Variants in TRAPPC9 observed in about 807,000 individuals in gnomAD.
TRAPPC9 encodes trafficking protein particle complex subunit 9.
In TRAPPC9, 83 loss-of-function variants were observed where a neutral mutation model predicts 124.0. The ratio of observed to expected loss-of-function variants is 0.67; its 90% CI spans 0.56 to 0.80. TRAPPC9 has a LOEUF of 0.80. TRAPPC9 is among the 30% of genes least tolerant of loss of function. The pLI is 0.00. For synonymous variants in TRAPPC9, 638 were observed against 617.5 expected (o/e 1.03, Z -0.49); for missense variants, 1,302 against 1,508.3 (o/e 0.86, Z 2.27).
intron 9 of TRAPPC9, among the ~76,000 whole-genome samples, chr8:140,333,002 A>T (rs1324785269): frequency 6.6e-6 from 1 of 152,104 alleles, no homozygotes; most frequent in African/African-American, 2.4e-5. Flanking sequence ...GGCACATGCC[A>T]GTAGTCCCAG....
At chr8:139,738,666 G>C (rs970830753) in intron 21 of TRAPPC9, among the ~76,000 whole-genome samples, 2 of 152,190 alleles carry the variant, frequency 1.3e-5, no homozygotes, top group Non-Finnish European at 2.9e-5. Flanking sequence ...GGGGTTATGT[G>C]CTGTTTAAGC....
chr8:139,791,015 C>T (rs577449084), intron 21 of TRAPPC9, among the ~76,000 whole-genome samples: 10 of 152,166 alleles, frequency 6.6e-5, no homozygotes, highest in Non-Finnish European at 1.0e-4. Flanking sequence ...CAAGAAGATA[C>T]TGCCATGCTT....
intron 15 of TRAPPC9, among the ~76,000 whole-genome samples, chr8:140,267,781 C>T (rs1044285225): frequency 2.6e-5 from 4 of 152,154 alleles, no homozygotes; most frequent in African/African-American, 7.2e-5. Flanking sequence ...ATTCTCCTGC[C>T]TCAGCCTCTC....
At chr8:140,301,830 C>T (rs190947997) in intron 10 of TRAPPC9, among the ~76,000 whole-genome samples, 291 of 152,188 alleles carry the variant, frequency 1.9e-3, no homozygotes, top group Non-Finnish European at 3.6e-3. Context: ...TTCGGCTGCA[C>T]GGCCATGGTG....
intron 17 of TRAPPC9, among the ~76,000 whole-genome samples, chr8:140,194,531 G>A (rs376976147): frequency 2.0e-5 from 3 of 152,046 alleles, no homozygotes; most frequent in Admixed American, 2.0e-4. Flanking sequence ...TCAATCCAAG[G>A]TCGGTTGAAT....
intron 21 of TRAPPC9, among the ~76,000 whole-genome samples, chr8:139,847,265 G>T (rs919593345): frequency 6.6e-6 from 1 of 152,222 alleles, no homozygotes; most frequent in Non-Finnish European, 1.5e-5. Flanking sequence ...TTTTCTGAGC[G>T]GGGGAAACAC....
chr8:140,243,595 A>C (rs2063913915), intron 16 of TRAPPC9, among the ~76,000 whole-genome samples: 1 of 152,178 alleles, frequency 6.6e-6, no homozygotes, highest in Admixed American at 6.5e-5. Flanking sequence ...CTACTCACCA[A>C]AGTCAACCTG....
At chr8:139,833,629 T>C in intron 21 of TRAPPC9, among the ~76,000 whole-genome samples, 1 of 152,240 alleles carries the variant, frequency 6.6e-6, no homozygotes. Context: ...GGCAGGGCAC[T>C]GTGCTGCCCC....
chr8:140,287,377 G>A (rs565811266), intron 13 of TRAPPC9, among the ~76,000 whole-genome samples: 2 of 152,144 alleles, frequency 1.3e-5, no homozygotes, highest in Non-Finnish European at 2.9e-5. Flanking sequence ...CGAAGCAGAG[G>A]GAGGAGGGGC....
At chr8:140,397,810 G>A in intron 6 of TRAPPC9, 65 bp from the exon 7 acceptor site, 2 of 1,603,130 alleles carry the variant, frequency 1.2e-6, no homozygotes, top group Non-Finnish European at 8.5e-7. Context: ...ACATTCTAAA[G>A]GCTGTGCTAC....
intron 8 of TRAPPC9, among the ~76,000 whole-genome samples, chr8:140,369,336 T>A (rs888420983): frequency 6.6e-6 from 1 of 152,206 alleles, no homozygotes; most frequent in African/African-American, 2.4e-5. Flanking sequence ...AGCTGTCACA[T>A]GTGAGAGGCA....
chr8:139,928,737 T>C (rs1462329731), intron 19 of TRAPPC9, among the ~76,000 whole-genome samples: 6 of 151,040 alleles, frequency 4.0e-5, no homozygotes, highest in Non-Finnish European at 5.9e-5. Flanking sequence ...TTGCCCTCTC[T>C]CCACTCCTGA....
At chr8:140,439,872 A>T (rs992991218) in intron 2 of TRAPPC9, among the ~76,000 whole-genome samples, 8 of 151,982 alleles carry the variant, frequency 5.3e-5, no homozygotes, top group African/African-American at 1.9e-4. Context: ...TTTTTTTTTT[A>T]AAGAAAAACT....
intron 17 of TRAPPC9, among the ~76,000 whole-genome samples, chr8:140,140,043 C>T (rs2061360405): frequency 6.6e-6 from 1 of 152,140 alleles, no homozygotes; most frequent in Admixed American, 6.6e-5. Flanking sequence ...AAGGCAGGAC[C>T]ACAACGGGGT....
intron 21 of TRAPPC9, among the ~76,000 whole-genome samples, chr8:139,757,985 C>A (rs919937327): frequency 1.3e-5 from 2 of 152,206 alleles, no homozygotes; most frequent in Non-Finnish European, 2.9e-5. Context: ...TGCCGAGTGG[C>A]CTCATTTTTT....
intron 8 of TRAPPC9, among the ~76,000 whole-genome samples, chr8:140,363,274 A>G (rs549661577): frequency 6.6e-6 from 1 of 152,366 alleles, no homozygotes; most frequent in African/African-American, 2.4e-5. Context: ...AAGTACACAC[A>G]GCACACATCA....
At chr8:139,750,701 G>T (rs559124858) in intron 21 of TRAPPC9, among the ~76,000 whole-genome samples, 162 of 152,320 alleles carry the variant, frequency 1.1e-3, no homozygotes, top group African/African-American at 3.7e-3. Context: ...CAGCACGGAG[G>T]GGGCAGGAAC....
chr8:139,976,029 C>T (rs1563656503), intron 19 of TRAPPC9, among the ~76,000 whole-genome samples: 1 of 144,014 alleles, frequency 6.9e-6, no homozygotes, highest in Non-Finnish European at 1.5e-5. Flanking sequence ...GTAGCTGGGA[C>T]TACAGGCGCC....
At chr8:140,457,105 G>A (rs1194905643) in intron 1 of TRAPPC9, among the ~76,000 whole-genome samples, 1 of 152,256 alleles carries the variant, frequency 6.6e-6, no homozygotes, top group Non-Finnish European at 1.5e-5. Flanking sequence ...GAGGGAAAGG[G>A]CTAGGGGAGA....
Sources: gnomAD v4.1 joint callset for allele counts (sites outside exome capture counted in the v4.1 genomes callset) on GRCh38, gnomAD v4.1.1 for gene constraint, MANE v1.5 for transcripts, NCBI Gene and HGNC (gene_info 2026-07-23, HGNC 2026-07-21) for gene names.